NEXMIF: variants seen among roughly 807,000 people sequenced by gnomAD.
The protein encoded by NEXMIF is XLMR protein related to neurite extension.
In NEXMIF, 8 loss-of-function variants were observed where a neutral mutation model predicts 62.1. The observed-to-expected ratio is 0.13, with a 90% CI of 0.08 to 0.23. The LOEUF is 0.23. Among genes scored for constraint, NEXMIF ranks in the 10% least tolerant of loss-of-function variants. The probability of loss-of-function intolerance (pLI) is 1.00; values close to 1 mark genes in which losing one functional copy is unlikely to be tolerated. For synonymous variants in NEXMIF, 404 were observed against 416.6 expected, an observed-to-expected ratio of 0.97 and a Z score of 0.37; for missense variants, 976 against 1,113.3, an observed-to-expected ratio of 0.88 and a Z score of 1.75.
At position 74,748,626 on chromosome X, in the gene NEXMIF, A is replaced by G. The variant is rs2080132916; in HGVS notation, c.-47-2929T>C. Reference sequence around the variant, plus strand: ...ACAGTAAATTACACAGTGTAATGGCATTAAAATAACATTAGCATGGAGATG... The same window carrying G: ...ACAGTAAATTACACAGTGTAATGGCGTTAAAATAACATTAGCATGGAGATG... On this transcript the variant is annotated intron_variant, in intron 1 of 3. Coordinates refer to ENST00000055682, the MANE Select transcript of NEXMIF (RefSeq NM_001008537.3). 2.7e-5 allele frequency among the ~76,000 whole-genome samples: 3 copies of G among 112,379 alleles called. No individual in the cohort carries two copies. In the South Asian group the frequency reaches 1.1e-3, roughly 41 times the overall value.
At chrX:74,764,427 C>T (rs1292450003) in intron 1 of NEXMIF, among the ~76,000 whole-genome samples, 1 of 111,454 alleles carries the variant, frequency 9.0e-6, no homozygotes, top group East Asian at 2.8e-4. Flanking sequence ...GTCTAAAATA[C>T]TCTTTTTTTG....
intron 1 of NEXMIF, among the ~76,000 whole-genome samples, chrX:74,878,978 C>G (rs921137149): frequency 1.8e-5 from 2 of 112,490 alleles, no homozygotes; most frequent in African/African-American, 3.2e-5. Flanking sequence ...AGCTGTAGAC[C>G]GCAGCTGTTC....
chrX:74,769,530 T>C (rs1209714740), intron 1 of NEXMIF: 2 of 373,184 alleles, frequency 5.4e-6, no homozygotes, highest in East Asian at 4.4e-5. Context: ...GTCCTTCCAG[T>C]GCCACTTGAG....
At chrX:74,806,018 T>G (rs2080343829) in intron 1 of NEXMIF, among the ~76,000 whole-genome samples, 1 of 111,617 alleles carries the variant, frequency 9.0e-6, no homozygotes, top group Non-Finnish European at 1.9e-5. Flanking sequence ...TGTGTTTTCT[T>G]ATTGTTGAGC....
chrX:74,874,577 C>G (rs1336638520), intron 1 of NEXMIF, among the ~76,000 whole-genome samples: 1 of 97,670 alleles, frequency 1.0e-5, no homozygotes, highest in Admixed American at 1.2e-4. Context: ...TGTAAATTAC[C>G]TTGGGCAGTA....
At chrX:74,805,044 A>G (rs945506387) in intron 1 of NEXMIF, among the ~76,000 whole-genome samples, 2 of 112,174 alleles carry the variant, frequency 1.8e-5, no homozygotes, top group Non-Finnish European at 3.8e-5. Flanking sequence ...GTTCAATGCA[A>G]TGTCTCACAA....
chrX:74,744,161 T>C lies in NEXMIF; in HGVS notation c.396A>G (p.Ser132=). 1 of 1,211,640 alleles carries C rather than the reference T, an allele frequency of 8.3e-7. No individual in the cohort carries two copies. Among genetic ancestry groups the C allele is most frequent in the Non-Finnish European group, 1.1e-6 (1 of 895,391 alleles). The change falls in exon 3 of 4, where the codon TCA becomes TCG. Residue 132 remains serine (S), a synonymous_variant. Transcript: ENST00000055682. ...GCATGAGACAGTCCCCATTCAGAGC[T>C]GACATGCCTGCAGGCTCCATTATGG... ...PFAIMEPAGM[S]ALNGDCLMQP...
chrX:74,743,800 T>G lies in NEXMIF; in HGVS notation c.757A>C (p.Asn253His), dbSNP rs1255784330. ...AAGTAACCCCAATCCTGATTGGAAT[T>G]TGCAAGCAAAGCTTCTTCTGTATTG... is the stretch of plus-strand genomic sequence containing the variant. ...KCNTEEALLANSNQDWGYFET... is the reference protein window; with the variant it reads ...KCNTEEALLAHSNQDWGYFET... The change falls in exon 3 of 4, where the codon AAT becomes CAT. Residue 253 changes from asparagine to histidine, a missense_variant. Around this residue, in one of 5 missense-constraint regions of NEXMIF, gnomAD observed 45 missense variants for 86.8 expected, o/e 0.52. Transcript: ENST00000055682. 1 of 1,211,452 alleles carries G rather than the reference T, an allele frequency of 8.3e-7. No individual in the cohort carries two copies. The highest frequency in any genetic ancestry group is 2.2e-5 in the Admixed American group (1 of 45,980).
intron 1 of NEXMIF, among the ~76,000 whole-genome samples, chrX:74,871,090 A>G (rs752538212): frequency 5.3e-5 from 6 of 112,334 alleles, no homozygotes; most frequent in Non-Finnish European, 1.1e-4. Context: ...ATAGATGAAT[A>G]GATACAGAAA....
chrX:74,743,319 C>A lies in NEXMIF; in HGVS notation c.1238G>T (p.Cys413Phe). 1 of 1,211,565 alleles carries A rather than the reference C, an allele frequency of 8.3e-7. No individual in the cohort carries two copies. Among genetic ancestry groups the A allele is most frequent in the African/African-American group, 1.7e-5 (1 of 57,834 alleles). Reference sequence around the variant, plus strand: ...AAGTTGCTCTACTTCAGTCCCACTGCATGGTTTATTTAAGGCAGGCTTTTC... The same window carrying A: ...AAGTTGCTCTACTTCAGTCCCACTGAATGGTTTATTTAAGGCAGGCTTTTC... ...NGEKPALNKP[C>F]SGTEVEQLKN... Residue 413 changes from cysteine to phenylalanine, a missense_variant, in exon 3 of 4, where the codon TGC becomes TTC. By Grantham distance (205) the Cys-to-Phe change is radical. Coordinates refer to ENST00000055682, the MANE Select transcript of NEXMIF (RefSeq NM_001008537.3).
At chrX:74,826,779 G>A (rs1216328821) in intron 1 of NEXMIF, among the ~76,000 whole-genome samples, 1 of 110,613 alleles carries the variant, frequency 9.0e-6, no homozygotes, top group Non-Finnish European at 1.9e-5. Flanking sequence ...ATTTTGAGTT[G>A]ACTTTTATAG....
intron 1 of NEXMIF, among the ~76,000 whole-genome samples, chrX:74,883,690 G>A (rs1265837873): frequency 1.8e-5 from 2 of 111,763 alleles, no homozygotes; most frequent in African/African-American, 3.3e-5. Flanking sequence ...TGAAAGTGAC[G>A]GGCAGAATGG....
intron 1 of NEXMIF, among the ~76,000 whole-genome samples, chrX:74,919,923 A>G (rs1272354296): frequency 9.1e-6 from 1 of 110,158 alleles, no homozygotes; most frequent in Non-Finnish European, 1.9e-5. Flanking sequence ...ATGATTTCCA[A>G]TTTCATCCAT....
Position 74,739,464 on chromosome X carries a change from T to A in NEXMIF, c.4492A>T (p.Thr1498Ser). 4 of 1,199,953 alleles carry A rather than the reference T, an allele frequency of 3.3e-6. No homozygotes were observed. The highest frequency in any genetic ancestry group is 4.5e-6 in the Non-Finnish European group (4 of 890,266). ...TCAAACACAGGTAAAACCCAAAAGG[T>A]TGTTTCTGCTTTTAGGAGATTGTAG... ...SDYNLLKAET[T>S]FWVLPVFEEE... The change falls in exon 4 of 4, where the codon ACC (threonine) becomes TCC (serine). Residue 1498 changes from threonine (T) to serine (S), a missense_variant. Coordinates refer to ENST00000055682, the MANE Select transcript of NEXMIF (RefSeq NM_001008537.3).
intron 1 of NEXMIF, among the ~76,000 whole-genome samples, chrX:74,907,340 C>G (rs1420038498): frequency 6.0e-5 from 4 of 66,344 alleles, no homozygotes; most frequent in Non-Finnish European, 8.8e-5. Flanking sequence ...GAGCACCCCC[C>G]CCCCCGCCCC....
rs375607660 is a variant in NEXMIF, at chrX:74,741,762, G to C, written c.2795C>G (p.Thr932Arg). The change falls in exon 3 of 4, where the codon ACA becomes AGA. Residue 932 changes from threonine to arginine, a missense_variant. Physicochemically the swap from Thr to Arg is moderately conservative, Grantham distance 71. Around this residue, in one of 5 missense-constraint regions of NEXMIF, gnomAD observed 639 missense variants for 694.5 expected, o/e 0.92. Coordinates refer to ENST00000055682, the MANE Select transcript of NEXMIF (RefSeq NM_001008537.3). Reference protein sequence around the residue: ...VSMENNLTPTTYNPICLNSGG... With the variant: ...VSMENNLTPTRYNPICLNSGG... ...ACTATTGAGACAGATTGGATTGTAT[G>C]TTGTAGGTGTGAGGTTATTTTCCAT... 2.8e-5 allele frequency: 34 copies of C among 1,211,660 alleles called. No homozygotes were observed. Among genetic ancestry groups the C allele is most frequent in the Non-Finnish European group, 3.6e-5 (32 of 895,202 alleles).
chrX:74,733,870 C>T lies in NEXMIF; in HGVS notation c.*5535G>A, dbSNP rs1341770984. 1 of 112,185 alleles carries T rather than the reference C, an allele frequency of 8.9e-6. No individual in the cohort carries two copies. Among genetic ancestry groups the T allele is most frequent in the African/African-American group, 3.2e-5 (1 of 30,884 alleles). The allele number at this position is 112,185 out of a possible 1,213,427, so 9.2% of individuals were successfully genotyped here. A position where few individuals can be genotyped will look rare whatever the true frequency, so the allele number is the denominator to read the frequency against. ...GTATTGTGGTTTCTAAAACCAGAAA[C>T]TTTGAAGTAAATATCCTTTTATTAG... On this transcript the variant is annotated 3_prime_UTR_variant, in exon 4 of 4. Transcript: ENST00000055682.
intron 1 of NEXMIF, among the ~76,000 whole-genome samples, chrX:74,825,240 C>T: frequency 9.0e-6 from 1 of 111,291 alleles, no homozygotes; most frequent in Middle Eastern, 4.7e-3. Context: ...TTTAAAAAAA[C>T]TTTTACTTTA....
intron 1 of NEXMIF, among the ~76,000 whole-genome samples, chrX:74,762,916 T>G (rs942167615): frequency 8.9e-6 from 1 of 111,862 alleles, no homozygotes; most frequent in Non-Finnish European, 1.9e-5. Context: ...TTCTGTAGGT[T>G]GCCTGTTCAT....
Sources: allele counts gnomAD v4.1 joint callset (sites outside exome capture counted in the v4.1 genomes callset), GRCh38; gene constraint gnomAD v4.1.1; regional missense constraint gnomAD v4.1.1; transcripts MANE v1.5; gene names NCBI Gene and HGNC (gene_info 2026-07-23, HGNC 2026-07-21).